NUP160: variants seen among roughly 807,000 people sequenced by gnomAD.
NUP160 encodes nuclear pore complex protein Nup160.
Under a neutral mutation model 196.9 loss-of-function variants are expected in NUP160, and 94 were observed. That is an observed-to-expected ratio of 0.48 (90% CI 0.40 to 0.57). The LOEUF is 0.57. NUP160 is among the 20% of genes least tolerant of loss of function. The pLI is 0.00. For missense variants in NUP160, 1,638 were observed against 1,748.3 expected (o/e 0.94, Z 1.13); for synonymous variants, 605 against 619.7 (o/e 0.98, Z 0.35).
intron 10 of NUP160, among the ~76,000 whole-genome samples, chr11:47,818,708 T>C (rs1273096751): frequency 6.6e-6 from 1 of 152,158 alleles, no homozygotes; most frequent in Non-Finnish European, 1.5e-5. Flanking sequence ...CATTCAAGTT[T>C]CCTTCCTTCT....
chr11:47,840,469 G>C, exon 3 of NUP160: 1 of 1,614,128 alleles, frequency 6.2e-7, no homozygotes. Context: ...CTGAGTCTCA[G>C]AGACATAAAC....
intron 34 of NUP160, among the ~76,000 whole-genome samples, chr11:47,782,485 A>G (rs1051699891): frequency 6.6e-6 from 1 of 150,782 alleles, no homozygotes; most frequent in Non-Finnish European, 1.5e-5. Flanking sequence ...GGCTTAGCCT[A>G]GCCTACTTAA....
chr11:47,784,924 T>A lies in NUP160; in HGVS notation c.3988A>T (p.Lys1330Ter). 6.3e-7 allele frequency: 1 copy of A among 1,590,160 alleles called. No individual in the cohort carries two copies. Among genetic ancestry groups the A allele is most frequent in the Non-Finnish European group, 8.6e-7 (1 of 1,168,276 alleles). ...TGTACAAGTTATAATCCGTTTACCT[T>A]GTAACTGTTTATAAGCCAATTAGGC... is the stretch of plus-strand genomic sequence containing the variant. Residue 1330 changes from lysine (K) to a stop codon, truncating the protein, a stop_gained and splice_region_variant, in exon 33 of 36, where the codon AAG (lysine) becomes TAG (stop). Coordinates refer to ENST00000378460, the Ensembl canonical transcript of NUP160. LOFTEE classifies it high-confidence loss of function.
At chr11:47,784,284 T>C (rs2097663257) in intron 33 of NUP160, among the ~76,000 whole-genome samples, 1 of 152,230 alleles carries the variant, frequency 6.6e-6, no homozygotes, top group African/African-American at 2.4e-5. Flanking sequence ...ATAATTCTGA[T>C]GCAGACAGTC....
chr11:47,833,709 T>C (rs1005579572), intron 7 of NUP160, among the ~76,000 whole-genome samples: 6 of 152,076 alleles, frequency 3.9e-5, no homozygotes, highest in Non-Finnish European at 8.8e-5. Flanking sequence ...TTAGAAAGTC[T>C]TGCTTGTACT....
intron 2 of NUP160, among the ~76,000 whole-genome samples, chr11:47,842,763 GAGGATTTCTTCAGCCC>G (rs1391061070): frequency 1.3e-5 from 2 of 152,082 alleles, no homozygotes; most frequent in Non-Finnish European, 2.9e-5. Context: ...GCCAAGACAG[GAGGATTTCTTCAGCCC>G]AGGAGTACGA....
intron 7 of NUP160, among the ~76,000 whole-genome samples, chr11:47,828,388 G>C (rs1400188147): frequency 1.3e-5 from 2 of 152,064 alleles, no homozygotes; most frequent in Non-Finnish European, 2.9e-5. Context: ...ATTTACAATA[G>C]CATCAAAAAG....
At chr11:47,846,503 A>C (rs944608129) in intron 2 of NUP160, among the ~76,000 whole-genome samples, 2 of 152,174 alleles carry the variant, frequency 1.3e-5, no homozygotes, top group Admixed American at 6.5e-5. Flanking sequence ...CACATGAGAC[A>C]CCAGGGAGCT....
intron 32 of NUP160, 43 bp from the exon 33 acceptor site, chr11:47,785,106 T>TTTTTTTTTTTTTTTTTTTTTGAGACGG (rs778039579): frequency 3.1e-6 from 3 of 982,356 alleles, no homozygotes; most frequent in Non-Finnish European, 4.3e-6. Context: ...AGATTCTTAA[T>TTTTTTTTTTTTTTTTTTTTTGAGACGG]AGCTATTTAG....
Position 47,803,511 on chromosome 11 carries a change from C to T in NUP160, c.2702G>A (p.Trp901Ter). The T allele has an allele frequency of 6.2e-7, 1 of 1,610,164 alleles. No homozygotes were observed. Among genetic ancestry groups the T allele is most frequent in the Non-Finnish European group, 8.5e-7 (1 of 1,176,720 alleles). ...ACAGGAACCAACATTGACTTGACACCAGGGATGTAGCAGTTGAATATAATC... is the reference window on the plus strand; with the variant it reads ...ACAGGAACCAACATTGACTTGACACTAGGGATGTAGCAGTTGAATATAATC... The change falls in exon 22 of 36, where the codon TGG (tryptophan) becomes TAG (stop). Residue 901 changes from tryptophan to a stop codon, truncating the protein, a stop_gained. Transcript: ENST00000378460. LOFTEE classifies it high-confidence loss of function.
chr11:47,806,199 A>C, exon 20 of NUP160: 1 of 1,614,198 alleles, frequency 6.2e-7, no homozygotes, highest in Non-Finnish European at 8.5e-7. Context: ...ATTTCAGGCC[A>C]ATTCAATCCA....
chr11:47,821,543 T>C (rs983147800), intron 9 of NUP160, 181 bp downstream of exon 9: 2 of 536,840 alleles, frequency 3.7e-6, no homozygotes, highest in Admixed American at 3.5e-5. Flanking sequence ...TTTGTGTTTT[T>C]AGTAGAGACG....
intron 27 of NUP160, among the ~76,000 whole-genome samples, chr11:47,793,354 C>T (rs2097668992): frequency 6.6e-6 from 1 of 152,038 alleles, no homozygotes; most frequent in South Asian, 2.1e-4. Flanking sequence ...AAATTTAAAA[C>T]AAAATTGGGT....
chr11:47,796,431 T>C (rs899072847), intron 27 of NUP160: 1 of 318,412 alleles, frequency 3.1e-6, no homozygotes, highest in African/African-American at 2.2e-5. Flanking sequence ...ATTAAAAAAA[T>C]CATGATGTCT....
intron 7 of NUP160, chr11:47,827,270 G>A (rs1851988733): frequency 2.5e-6 from 1 of 397,066 alleles, no homozygotes; most frequent in East Asian, 7.3e-5. Context: ...AGGCTGAGGT[G>A]GGAGGATCGC....
At chr11:47,798,288 T>G (rs750892935) in intron 24 of NUP160, 26 bp from the exon 25 acceptor site, 4 of 1,562,294 alleles carry the variant, frequency 2.6e-6, no homozygotes, top group Non-Finnish European at 2.6e-6. Context: ...AGATCAAATA[T>G]CAAAAAGAGC....
At chr11:47,834,697 C>T (rs1252490337) in intron 7 of NUP160, among the ~76,000 whole-genome samples, 7 of 152,106 alleles carry the variant, frequency 4.6e-5, no homozygotes, top group Non-Finnish European at 1.0e-4. Flanking sequence ...TGTCCCAGCA[C>T]AGGAGTGAGA....
intron 7 of NUP160, among the ~76,000 whole-genome samples, chr11:47,824,029 A>G (rs905787339): frequency 5.0e-5 from 6 of 119,774 alleles, no homozygotes; most frequent in African/African-American, 1.2e-4. Flanking sequence ...ATATATATAT[A>G]TATATATATA....
chr11:47,802,815 A>C (rs1365115433), intron 22 of NUP160, among the ~76,000 whole-genome samples: 1 of 151,836 alleles, frequency 6.6e-6, no homozygotes, highest in African/African-American at 2.4e-5. Context: ...TCTCTACAAA[A>C]AATTAAAAAA....
Sources: gnomAD v4.1 joint callset for allele counts (sites outside exome capture counted in the v4.1 genomes callset) on GRCh38, gnomAD v4.1.1 for gene constraint, MANE v1.5 for transcripts, NCBI Gene and HGNC (gene_info 2026-07-23, HGNC 2026-07-21) for gene names.